LRFN5: variants seen among roughly 807,000 people sequenced by gnomAD.
LRFN5 encodes leucine-rich repeat and fibronectin type-III domain-containing protein 5.
A neutral mutation model predicts 45.6 loss-of-function variants in LRFN5; 24 were observed. That is an observed-to-expected ratio of 0.53 (90% CI 0.38 to 0.74). LRFN5 has a LOEUF of 0.74. Ranked by LOEUF, LRFN5 falls within the 30% of genes least tolerant of loss-of-function variation. LRFN5 has a pLI of 0.00. For missense variants in LRFN5, 776 were observed against 861.5 expected, an observed-to-expected ratio of 0.90 and a Z score of 1.24; for synonymous variants, 340 against 313.8, an observed-to-expected ratio of 1.08 and a Z score of -0.88.
intron 1 of LRFN5, among the ~76,000 whole-genome samples, chr14:41,751,864 T>G (rs1885148493): frequency 6.6e-6 from 1 of 152,044 alleles, no homozygotes; most frequent in Non-Finnish European, 1.5e-5. Context: ...GCTGCACCCA[T>G]TAACTTGTCA....
intron 2 of LRFN5, among the ~76,000 whole-genome samples, chr14:41,826,061 A>G (rs1257719131): frequency 6.6e-6 from 1 of 152,182 alleles, no homozygotes; most frequent in Non-Finnish European, 1.5e-5. Context: ...ATGTTCATCT[A>G]TAACGTTGAT....
chr14:41,853,278 T>C (rs1160988071), intron 2 of LRFN5, among the ~76,000 whole-genome samples: 1 of 152,048 alleles, frequency 6.6e-6, no homozygotes, highest in Non-Finnish European at 1.5e-5. Context: ...GAGCTAATAG[T>C]TCTCAGCTCT....
rs1566437365 is a variant in LRFN5, at chr14:41,781,620, A to AAAAGAAAGAAAG, written c.-21+14592_-21+14593insAAGAAAGAAAGA. Reference sequence around the variant, plus strand: ...AGAAAGAAAGAAAGAAAGAAAGAGAAAGAAAGAAAGAAAGGAAAGAAAGAA... The same window carrying AAAAGAAAGAAAG: ...AGAAAGAAAGAAAGAAAGAAAGAGAAAAAGAAAGAAAGAGAAAGAAAGAAAGGAAAGAAAGAA... On this transcript the variant is annotated intron_variant, in intron 2 of 5. Transcript: ENST00000298119. Among the ~76,000 whole-genome samples, 28 of 99,798 alleles carry AAAAGAAAGAAAG rather than the reference A, an allele frequency of 2.8e-4. 1 individual carries two copies. The highest frequency in any genetic ancestry group is 1.2e-3 in the African/African-American group (27 of 21,812). 65.5% of individuals were successfully genotyped at this position (99,798 alleles called of 152,430 possible).
intron 4 of LRFN5, chr14:41,892,356 A>G (rs1032037127): frequency 1.6e-5 from 16 of 984,656 alleles, no homozygotes; most frequent in African/African-American, 3.5e-5. Flanking sequence ...GGAAGGAAAC[A>G]TAAATAAAAT....
At position 41,730,674 on chromosome 14, in the gene LRFN5, G is replaced by A. The variant is rs144812032; in HGVS notation, c.-196-36180G>A. ...AGTGTTCAAGTCATCTCTATTTTAC[G>A]TAATGATTTTTCTGTTTTAGAGCCT... is the stretch of plus-strand genomic sequence containing the variant. On this transcript the variant is annotated intron_variant, in intron 1 of 5. Coordinates refer to ENST00000298119, the MANE Select transcript of LRFN5 (RefSeq NM_152447.5). Among the ~76,000 whole-genome samples, 1,500 of 151,652 alleles carry A rather than the reference G, an allele frequency of 9.9e-3. 8 individuals carry two copies. Among genetic ancestry groups the A allele is most frequent in the East Asian group, 0.015 (80 of 5,168 alleles).
intron 2 of LRFN5, among the ~76,000 whole-genome samples, chr14:41,796,371 T>C (rs1405834106): frequency 6.6e-6 from 1 of 151,998 alleles, no homozygotes; most frequent in Admixed American, 6.6e-5. Context: ...GCTTAGTGCA[T>C]GTGAATACGC....
At chr14:41,841,577 T>G (rs913719009) in intron 2 of LRFN5, among the ~76,000 whole-genome samples, 2 of 151,954 alleles carry the variant, frequency 1.3e-5, no homozygotes, top group Non-Finnish European at 2.9e-5. Context: ...TACTGTTCCA[T>G]TGCATGAGTG....
rs80012732 is a variant in LRFN5 at position 41,773,912 on chromosome 14, A to G, written c.-21+6883A>G. Among the ~76,000 whole-genome samples the G allele has an allele frequency of 1.4e-3, 208 of 152,358 alleles. 3 individuals carry two copies. In the East Asian group the frequency reaches 0.033, roughly 24 times the overall value. ...CAATGCAGAGTCTTTCTGAAAGCCCATACATACTGATACAACAGCTACAAA... is the reference window on the plus strand; with the variant it reads ...CAATGCAGAGTCTTTCTGAAAGCCCGTACATACTGATACAACAGCTACAAA... On this transcript the variant is annotated intron_variant, in intron 2 of 5. Coordinates refer to ENST00000298119, the MANE Select transcript of LRFN5 (RefSeq NM_152447.5).
chr14:41,625,579 T>C (rs537878176), intron 1 of LRFN5, among the ~76,000 whole-genome samples: 2 of 152,298 alleles, frequency 1.3e-5, no homozygotes, highest in East Asian at 1.9e-4. Flanking sequence ...AGGTATGGCA[T>C]TGGAATTATT....
At chr14:41,660,491 G>T (rs1326749528) in intron 1 of LRFN5, among the ~76,000 whole-genome samples, 2 of 152,066 alleles carry the variant, frequency 1.3e-5, no homozygotes, top group African/African-American at 4.8e-5. Flanking sequence ...ACATGCTGTT[G>T]TTGTCTACAT....
At position 41,742,757 on chromosome 14, in the gene LRFN5, A is replaced by G. The variant is rs867771230; in HGVS notation, c.-196-24097A>G. 5.0e-5 allele frequency: 8 copies of G among 160,886 alleles called. No homozygotes were observed. The Middle Eastern group carries it at 2.7e-3, about 54-fold the overall frequency. The allele number at this position is 160,886 out of a possible 1,614,324, so 10.0% of individuals were successfully genotyped here. A position where few individuals can be genotyped will look rare whatever the true frequency, so the allele number is the denominator to read the frequency against. On this transcript the variant is annotated intron_variant, in intron 1 of 5. Coordinates refer to ENST00000298119, the MANE Select transcript of LRFN5 (RefSeq NM_152447.5). ...TCCAAAATGGGAATAAATTTGATTT[A>G]TCCGAAGACAGAAACAAACCTTTCA...
At chr14:41,757,114 G>C (rs1042168913) in intron 1 of LRFN5, among the ~76,000 whole-genome samples, 2 of 152,190 alleles carry the variant, frequency 1.3e-5, no homozygotes, top group African/African-American at 4.8e-5. Context: ...TCGTTCCTCT[G>C]GAAGTTTTGT....
At chr14:41,645,314 A>G (rs1481885281) in intron 1 of LRFN5, among the ~76,000 whole-genome samples, 2 of 152,082 alleles carry the variant, frequency 1.3e-5, no homozygotes, top group African/African-American at 2.4e-5. Flanking sequence ...TGCTCACTGC[A>G]ACCTCCGCCT....
chr14:41,826,382 T>A (rs1888296128), intron 2 of LRFN5, among the ~76,000 whole-genome samples: 1 of 152,226 alleles, frequency 6.6e-6, no homozygotes, highest in Non-Finnish European at 1.5e-5. Flanking sequence ...CTTTCTTATA[T>A]TTCATCCTTT....
intron 1 of LRFN5, among the ~76,000 whole-genome samples, chr14:41,662,960 T>G (rs867217409): frequency 4.3e-4 from 66 of 152,170 alleles, no homozygotes; most frequent in African/African-American, 1.5e-3. Context: ...ACATATCATA[T>G]GAAATTGTAC....
intron 1 of LRFN5, among the ~76,000 whole-genome samples, chr14:41,633,280 T>C (rs1027874851): frequency 1.3e-5 from 2 of 152,170 alleles, no homozygotes; most frequent in African/African-American, 2.4e-5. Flanking sequence ...ATATAACTAA[T>C]AAATTACTAT....
chr14:41,655,160 ATTGGTGTAGG>A (rs1880318193), intron 1 of LRFN5, among the ~76,000 whole-genome samples: 2 of 152,038 alleles, frequency 1.3e-5, no homozygotes, highest in African/African-American at 4.8e-5. Flanking sequence ...TGGAGCTTCC[ATTGGTGTAGG>A]GGAGATAGAC....
chr14:41,615,337 G>T (rs144953030), intron 1 of LRFN5, among the ~76,000 whole-genome samples: 6 of 152,178 alleles, frequency 3.9e-5, no homozygotes, highest in Admixed American at 1.3e-4. Context: ...GTTGAAAGAG[G>T]CACACAAGTC....
At chr14:41,638,354 C>T (rs1339236677) in intron 1 of LRFN5, among the ~76,000 whole-genome samples, 1 of 152,100 alleles carries the variant, frequency 6.6e-6, no homozygotes, top group East Asian at 1.9e-4. Context: ...GGAAGCATCT[C>T]TCTAGTGTCA....
Sources: gnomAD v4.1 joint callset for allele counts (sites outside exome capture counted in the v4.1 genomes callset) on GRCh38, gnomAD v4.1.1 for gene constraint, MANE v1.5 for transcripts, NCBI Gene and HGNC (gene_info 2026-07-23, HGNC 2026-07-21) for gene names.